Variants in AP1G1 observed in about 807,000 individuals in gnomAD.
The protein encoded by AP1G1 is adaptor related protein complex 1 subunit gamma 1.
Under a neutral mutation model 108.3 loss-of-function variants are expected in AP1G1, and 7 were observed. That is an observed-to-expected ratio of 0.06 (90% CI 0.04 to 0.12). The LOEUF (loss-of-function observed/expected upper bound fraction) is 0.12, where lower values mean the gene tolerates loss of function less well. AP1G1 is among the 10% of genes least tolerant of loss of function. The probability of loss-of-function intolerance (pLI) is 1.00; values close to 1 mark genes in which losing one functional copy is unlikely to be tolerated. For synonymous variants in AP1G1, 379 were observed against 353.5 expected (o/e 1.07, Z -0.81); for missense variants, 756 against 1,010.7 (o/e 0.75, Z 3.42).
chr16:71,750,142 AG>A (rs1431493454), intron 14 of AP1G1, 67 bp downstream of exon 14: 95 of 1,583,588 alleles, frequency 6.0e-5, no homozygotes, highest in Middle Eastern at 1.8e-4. Context: ...GGGAAAAAAA[AG>A]AAGAAAAACA....
rs368384155 is a variant in AP1G1, at chr16:71,764,408, G to C, written c.860C>G (p.Ala287Gly). The change falls in exon 9 of 23, where the codon GCT becomes GGT. Residue 287 changes from alanine (A) to glycine (G), a missense_variant. This residue lies in a region of AP1G1 where 304 missense variants were observed against 483.6 expected (regional missense o/e 0.63). Coordinates refer to ENST00000299980, the MANE Select transcript of AP1G1 (RefSeq NM_001128.6). ...AGTCAAAACCGTTTCATAAAGAATAGCATTTCCTACATTTTTACTAGTCTC... is the reference window on the plus strand; with the variant it reads ...AGTCAAAACCGTTTCATAAAGAATACCATTTCCTACATTTTTACTAGTCTC... ...NTETSKNVGN[A>G]ILYETVLTIM... 1 of 1,610,964 alleles carries C rather than the reference G, an allele frequency of 6.2e-7. No individual in the cohort carries two copies. Among genetic ancestry groups the C allele is most frequent in the Non-Finnish European group, 8.5e-7 (1 of 1,178,452 alleles).
In AP1G1 at chr16:71,736,098, C is replaced by CAAAAAAAAAAAAAAAAAAA. The variant is rs1213680207; in HGVS notation, c.2269-1410_2269-1392dup. Among the ~76,000 whole-genome samples the CAAAAAAAAAAAAAAAAAAA allele has an allele frequency of 7.9e-5, 2 of 25,426 alleles. 1 individual carries two copies. The highest frequency in any genetic ancestry group is 1.2e-4 in the Non-Finnish European group (2 of 17,022). 16.7% of individuals were successfully genotyped at this position (25,426 alleles called of 152,430 possible). The stretch of plus-strand genomic sequence containing the variant: ...TGGGTGACAGAGTGAGACTCCATCT[C>CAAAAAAAAAAAAAAAAAAA]AAAAAAAAAAAAAAAAAAAATATAT... On this transcript the variant is annotated intron_variant, in intron 21 of 22. Coordinates refer to ENST00000299980, the MANE Select transcript of AP1G1 (RefSeq NM_001128.6).
intron 4 of AP1G1, among the ~76,000 whole-genome samples, chr16:71,772,438 T>G (rs2031613246): frequency 6.6e-6 from 1 of 152,210 alleles, no homozygotes; most frequent in African/African-American, 2.4e-5. Context: ...CTATCTTTTT[T>G]TTCTAACCTG....
intron 1 of AP1G1, among the ~76,000 whole-genome samples, chr16:71,795,207 CA>C (rs1447937288): frequency 6.6e-6 from 1 of 152,090 alleles, no homozygotes; most frequent in African/African-American, 2.4e-5. Flanking sequence ...AGGACACAAC[CA>C]AAAAGCTGGA....
chr16:71,808,789 C>T lies in AP1G1; in HGVS notation c.-30G>A, dbSNP rs2033089937. On this transcript the variant is annotated 5_prime_UTR_variant, in exon 1 of 23. Coordinates refer to ENST00000299980, the MANE Select transcript of AP1G1 (RefSeq NM_001128.6). ...GGCCCGAAACCTCGAATGAAACCAGCAGCTCCGGGGGCGGCGGCAGCAGTG... is the reference window on the plus strand; with the variant it reads ...GGCCCGAAACCTCGAATGAAACCAGTAGCTCCGGGGGCGGCGGCAGCAGTG... 1 of 1,289,724 alleles carries T rather than the reference C, an allele frequency of 7.8e-7. No individual in the cohort carries two copies. The highest frequency in any genetic ancestry group is 1.0e-6 in the Non-Finnish European group (1 of 988,786). 79.9% of individuals were successfully genotyped at this position (1,289,724 alleles called of 1,614,324 possible).
At chr16:71,754,768 C>G (rs900716860) in intron 12 of AP1G1, among the ~76,000 whole-genome samples, 1 of 151,990 alleles carries the variant, frequency 6.6e-6, no homozygotes, top group African/African-American at 2.4e-5. Flanking sequence ...CCACTGCCCT[C>G]CAGCCTGGGT....
At chr16:71,764,551 G>A in intron 8 of AP1G1, 95 bp downstream of exon 8, 1 of 1,257,040 alleles carries the variant, frequency 8.0e-7, no homozygotes, top group Non-Finnish European at 1.1e-6. Flanking sequence ...CTATGAATGA[G>A]GAAACACAAA....
intron 1 of AP1G1, among the ~76,000 whole-genome samples, chr16:71,791,503 G>A (rs1183734389): frequency 1.3e-5 from 2 of 151,754 alleles, no homozygotes; most frequent in African/African-American, 4.8e-5. Flanking sequence ...ATGTAGATAG[G>A]GAAACGCTGT....
At chr16:71,761,597 A>G in intron 9 of AP1G1, 30 bp from the exon 10 acceptor site, 2 of 1,536,316 alleles carry the variant, frequency 1.3e-6, no homozygotes, top group South Asian at 2.3e-5. Context: ...GTCGAAATTT[A>G]GGAAAATGGA....
chr16:71,734,591 T>C lies in AP1G1; in HGVS notation c.2367+18A>G, dbSNP rs2045510754. ...CTTACACTTCGGCTCAGATATTGGC[T>C]ACAAATGTGCTACTCACCTTCTGAG... On this transcript the variant is annotated intron_variant, in intron 22 of 22. Transcript: ENST00000299980. The C allele has an allele frequency of 1.9e-6, 3 of 1,581,282 alleles. No homozygotes were observed. The South Asian group carries it at 3.3e-5, about 17-fold the overall frequency.
chr16:71,761,543 G>A lies in AP1G1; in HGVS notation c.943C>T (p.Arg315Cys), dbSNP rs1360108794. ...LRVLAINILGRFLLNNDKNIR... is the reference protein window; with the variant it reads ...LRVLAINILGCFLLNNDKNIR... Reference sequence around the variant, plus strand: ...TTCTTGTCATTGTTCAATAAGAAACGACCCAGGATATTTATGGCTAGGACC... The same window carrying A: ...TTCTTGTCATTGTTCAATAAGAAACAACCCAGGATATTTATGGCTAGGACC... Residue 315 changes from arginine to cysteine, a missense_variant, in exon 10 of 23, where the codon CGT becomes TGT. Coordinates refer to ENST00000299980, the MANE Select transcript of AP1G1 (RefSeq NM_001128.6). 6.2e-7 allele frequency: 1 copy of A among 1,607,200 alleles called. No homozygotes were observed. The highest frequency in any genetic ancestry group is 8.5e-7 in the Non-Finnish European group (1 of 1,174,552).
At chr16:71,761,673 G>GA in intron 9 of AP1G1, 106 bp from the exon 10 acceptor site, 2 of 831,084 alleles carry the variant, frequency 2.4e-6, no homozygotes, top group Non-Finnish European at 3.8e-6. Flanking sequence ...CAGACTGCTA[G>GA]CAAAAAAAAA....
chr16:71,767,356 C>A (rs78012517), intron 6 of AP1G1, among the ~76,000 whole-genome samples: 9,544 of 152,220 alleles, frequency 0.063, 386 homozygotes, highest in Middle Eastern at 0.11. Flanking sequence ...TTGGTGCCCA[C>A]TACTCTACCT....
chr16:71,735,019 C>T lies in AP1G1; in HGVS notation c.2269-312G>A, dbSNP rs145452815. ...TGACCAATTCTTCTTCTGGCAACTT[C>T]ACTTAATGGTAACTGATCAACTATG... On this transcript the variant is annotated intron_variant, in intron 21 of 22. Transcript: ENST00000299980. Among the ~76,000 whole-genome samples, 3 of 152,334 alleles carry T rather than the reference C, an allele frequency of 2.0e-5. No homozygotes were observed. The East Asian group carries it at 5.8e-4, about 29-fold the overall frequency.
chr16:71,785,857 G>A (rs1443380545), intron 2 of AP1G1, among the ~76,000 whole-genome samples: 1 of 152,042 alleles, frequency 6.6e-6, no homozygotes, highest in African/African-American at 2.4e-5. Flanking sequence ...ACTCCAGCCT[G>A]GGCAACAGGG....
At position 71,806,800 on chromosome 16, in the gene AP1G1, T is replaced by C; in HGVS notation, c.-4+1963A>G. On this transcript the variant is annotated intron_variant, in intron 1 of 22. Coordinates refer to ENST00000299980, the MANE Select transcript of AP1G1 (RefSeq NM_001128.6). Reference sequence around the variant, plus strand: ...CTCACGTATCTAATAGTAACTAATATATTTTTGAAAAATCTGCTTAAATAA... The same window carrying C: ...CTCACGTATCTAATAGTAACTAATACATTTTTGAAAAATCTGCTTAAATAA... 6 of 976,456 alleles carry C rather than the reference T, an allele frequency of 6.1e-6. No individual in the cohort carries two copies. In the South Asian group the frequency reaches 7.4e-5, roughly 12 times the overall value. The allele number at this position is 976,456 out of a possible 1,614,324, so 60.5% of individuals were successfully genotyped here.
intron 4 of AP1G1, among the ~76,000 whole-genome samples, chr16:71,771,847 C>G (rs1165364345): frequency 6.6e-6 from 1 of 152,030 alleles, no homozygotes; most frequent in Non-Finnish European, 1.5e-5. Flanking sequence ...TATAAATCTA[C>G]TGTTATGTTT....
chr16:71,761,632 A>G (rs2031088175), intron 9 of AP1G1, 65 bp from the exon 10 acceptor site: 1 of 1,253,072 alleles, frequency 8.0e-7, no homozygotes, highest in African/African-American at 1.5e-5. Flanking sequence ...TCCTGAGTTT[A>G]AAGGATCACT....
In AP1G1 at chr16:71,732,760, GC is replaced by G; in HGVS notation, c.*297del. On this transcript the variant is annotated 3_prime_UTR_variant, in exon 23 of 23. Transcript: ENST00000299980. ...AGACCAGCTGCTTATTTCCTCAGGG[GC>G]CCAGGGAATGTTGATTCTGGCTGTA... 1 of 282,326 alleles carries G rather than the reference GC, an allele frequency of 3.5e-6. No homozygotes were observed. 17.5% of individuals were successfully genotyped at this position (282,326 alleles called of 1,614,324 possible).
Sources: allele counts gnomAD v4.1 joint callset (sites outside exome capture counted in the v4.1 genomes callset), GRCh38; gene constraint gnomAD v4.1.1; regional missense constraint gnomAD v4.1.1; transcripts MANE v1.5; gene names NCBI Gene and HGNC (gene_info 2026-07-23, HGNC 2026-07-21).